The following CDKAL1 variants were observed in gnomAD, a reference collection of about 807,000 sequenced individuals.
CDKAL1 encodes the protein CDKAL1 threonylcarbamoyladenosine tRNA methylthiotransferase.
Under a neutral mutation model 68.2 loss-of-function variants are expected in CDKAL1, and 32 were observed. That is an observed-to-expected ratio of 0.47 (90% confidence interval 0.35 to 0.63). The LOEUF (loss-of-function observed/expected upper bound fraction) is 0.63. CDKAL1 is among the 30% of genes least tolerant of loss of function. The probability of loss-of-function intolerance (pLI) is 0.00; values close to 1 mark genes in which losing one functional copy is unlikely to be tolerated. For synonymous variants in CDKAL1, 234 were observed against 244.3 expected, an observed-to-expected ratio of 0.96 and a Z score of 0.39; for missense variants, 606 against 696.7, an observed-to-expected ratio of 0.87 and a Z score of 1.47.
intron 13 of CDKAL1, among the ~76,000 whole-genome samples, chr6:21,173,555 T>A (rs1335470651): frequency 6.6e-6 from 1 of 152,204 alleles, no homozygotes; most frequent in Non-Finnish European, 1.5e-5. Flanking sequence ...AGGGTCCACA[T>A]TTTCTATTTT....
chr6:21,025,967 A>T (rs1317092724), intron 11 of CDKAL1, among the ~76,000 whole-genome samples: 1 of 152,146 alleles, frequency 6.6e-6, no homozygotes, highest in Non-Finnish European at 1.5e-5. Flanking sequence ...TTGAATGAAC[A>T]TTTCTATGAT....
chr6:20,666,089 T>C (rs957267511), intron 5 of CDKAL1, among the ~76,000 whole-genome samples: 14 of 152,094 alleles, frequency 9.2e-5, no homozygotes, highest in Admixed American at 5.2e-4. Flanking sequence ...TGACATTATG[T>C]TTATAAGTTT....
intron 5 of CDKAL1, among the ~76,000 whole-genome samples, chr6:20,734,741 C>A (rs888588343): frequency 4.6e-5 from 7 of 152,070 alleles, no homozygotes; most frequent in Admixed American, 4.6e-4. Flanking sequence ...TAATTTTTTC[C>A]CCAAAGCCAA....
chr6:21,068,675 C>T (rs1444363736), intron 12 of CDKAL1, among the ~76,000 whole-genome samples: 1 of 152,028 alleles, frequency 6.6e-6, no homozygotes, highest in Non-Finnish European at 1.5e-5. Context: ...ATTTCAATGT[C>T]GTATTTTTCT....
In CDKAL1 at chr6:20,781,177, G is replaced by A. The variant is rs754613790; in HGVS notation, c.550G>A (p.Asp184Asn). The A allele has an allele frequency of 1.6e-5, 26 of 1,613,852 alleles. No individual in the cohort carries two copies. The Admixed American group carries it at 4.2e-4, about 26-fold the overall frequency. The change falls in exon 8 of 16, where the codon GAT (aspartate) becomes AAT (asparagine). Residue 184 changes from aspartate (D) to asparagine (N), a missense_variant. By Grantham distance (23) the Asp-to-Asn change is conservative. Coordinates refer to ENST00000274695, the MANE Select transcript of CDKAL1 (RefSeq NM_017774.3). Reference sequence around the variant, plus strand: ...TGTGAGACTGCTGGGTCAGAAAAAGGATAATGGAAGGCGGCTTGGGGGAGC... The same window carrying A: ...TGTGAGACTGCTGGGTCAGAAAAAGAATAATGGAAGGCGGCTTGGGGGAGC... Reference protein sequence around the residue: ...HSVRLLGQKKDNGRRLGGARL... With the variant: ...HSVRLLGQKKNNGRRLGGARL...
At chr6:21,179,598 C>A (rs1470813875) in intron 13 of CDKAL1, among the ~76,000 whole-genome samples, 2 of 152,134 alleles carry the variant, frequency 1.3e-5, no homozygotes, top group African/African-American at 4.8e-5. Context: ...GTACAAAAAT[C>A]AGAAATAAAG....
chr6:20,907,970 C>G (rs1218284898), intron 9 of CDKAL1, among the ~76,000 whole-genome samples: 1 of 152,192 alleles, frequency 6.6e-6, no homozygotes, highest in East Asian at 1.9e-4. Flanking sequence ...ACATCCACGG[C>G]TCTGTCACCA....
At chr6:21,085,601 T>C (rs6901354) in intron 12 of CDKAL1, among the ~76,000 whole-genome samples, 32,139 of 152,070 alleles carry the variant, frequency 0.21, 3,493 homozygotes, top group South Asian at 0.27. Flanking sequence ...GAGTGAGGTA[T>C]GAGATGTTTT....
chr6:20,900,176 A>G (rs1319309458), intron 9 of CDKAL1, among the ~76,000 whole-genome samples: 2 of 152,206 alleles, frequency 1.3e-5, no homozygotes, highest in Non-Finnish European at 2.9e-5. Flanking sequence ...GATTTATACT[A>G]TATAGAATTT....
At chr6:20,831,401 G>A (rs1377854283) in intron 8 of CDKAL1, among the ~76,000 whole-genome samples, 4 of 126,956 alleles carry the variant, frequency 3.2e-5, no homozygotes, top group Non-Finnish European at 6.7e-5. Flanking sequence ...CGTTGGTTGT[G>A]CGATGTGCGG....
intron 13 of CDKAL1, among the ~76,000 whole-genome samples, chr6:21,165,472 G>GT (rs1355292395): frequency 6.6e-6 from 1 of 152,138 alleles, no homozygotes; most frequent in Non-Finnish European, 1.5e-5. Context: ...ACTTTTGGGA[G>GT]TTTTTACATT....
At chr6:20,716,016 G>A (rs2127836995) in intron 5 of CDKAL1, among the ~76,000 whole-genome samples, 1 of 152,286 alleles carries the variant, frequency 6.6e-6, no homozygotes, top group South Asian at 2.1e-4. Flanking sequence ...GAGACAGCTA[G>A]TGCGTGCTCA....
At chr6:20,625,542 A>G (rs1248531277) in intron 4 of CDKAL1, among the ~76,000 whole-genome samples, 1 of 152,148 alleles carries the variant, frequency 6.6e-6, no homozygotes, top group Non-Finnish European at 1.5e-5. Context: ...CTTTCTGATG[A>G]GTCAAACTAT....
intron 13 of CDKAL1, among the ~76,000 whole-genome samples, chr6:21,189,899 G>A (rs1778166885): frequency 6.6e-6 from 1 of 152,136 alleles, no homozygotes; most frequent in African/African-American, 2.4e-5. Flanking sequence ...CGCGTGCTCT[G>A]CCTGTTGTGA....
At chr6:21,049,150 A>G (rs1332042817) in intron 11 of CDKAL1, among the ~76,000 whole-genome samples, 1 of 152,164 alleles carries the variant, frequency 6.6e-6, no homozygotes, top group Non-Finnish European at 1.5e-5. Context: ...CTGATGCTGA[A>G]TATACTCTGG....
At chr6:20,593,257 T>C (rs1470841789) in intron 4 of CDKAL1, among the ~76,000 whole-genome samples, 1 of 152,150 alleles carries the variant, frequency 6.6e-6, no homozygotes, top group Non-Finnish European at 1.5e-5. Flanking sequence ...CCAGCTCCTC[T>C]TTGTACCTCC....
intron 5 of CDKAL1, among the ~76,000 whole-genome samples, chr6:20,673,921 G>A (rs73377311): frequency 0.018 from 2,709 of 152,230 alleles, 87 homozygotes; most frequent in African/African-American, 0.062. Context: ...ACTAATACAC[G>A]ATGGATACAG....
At chr6:20,824,371 C>T (rs1004972615) in intron 8 of CDKAL1, among the ~76,000 whole-genome samples, 2 of 152,078 alleles carry the variant, frequency 1.3e-5, no homozygotes, top group African/African-American at 2.4e-5. Flanking sequence ...GTCAATAGCT[C>T]GGGCATAATT....
intron 12 of CDKAL1, 52 bp from the exon 13 acceptor site, chr6:21,108,349 C>CT: frequency 8.1e-7 from 1 of 1,227,242 alleles, no homozygotes; most frequent in South Asian, 1.3e-5. Context: ...TATCTGCTGT[C>CT]AACTCAATTG....
Sources: allele counts gnomAD v4.1 joint callset (sites outside exome capture counted in the v4.1 genomes callset), GRCh38; gene constraint gnomAD v4.1.1; transcripts MANE v1.5; gene names NCBI Gene and HGNC (gene_info 2026-07-23, HGNC 2026-07-21).